Variants in FARS2 observed in about 807,000 individuals in gnomAD.
FARS2 encodes phenylalanyl-tRNA synthetase 2, mitochondrial.
In FARS2, 40 loss-of-function variants were observed where a neutral mutation model predicts 46.4. The ratio of observed to expected loss-of-function variants is 0.86; its 90% CI spans 0.67 to 1.12. FARS2 has a LOEUF of 1.12. FARS2 is among the 50% of genes most tolerant of loss of function. The probability of loss-of-function intolerance (pLI) is 0.00; values close to 1 mark genes in which losing one functional copy is unlikely to be tolerated. For synonymous variants in FARS2, 234 were observed against 214.9 expected (o/e 1.09, Z -0.78); for missense variants, 513 against 567.9 (o/e 0.90, Z 0.98).
At chr6:5,689,802 T>G in intron 6 of FARS2, among the ~76,000 whole-genome samples, 1 of 152,196 alleles carries the variant, frequency 6.6e-6, no homozygotes, top group Non-Finnish European at 1.5e-5. Flanking sequence ...CGTGGGGTGT[T>G]AAAGTCTCCC....
At chr6:5,338,933 A>G (rs984450535) in intron 1 of FARS2, among the ~76,000 whole-genome samples, 2 of 152,220 alleles carry the variant, frequency 1.3e-5, no homozygotes, top group African/African-American at 2.4e-5. Context: ...TCAAGAATAT[A>G]TTAACGACTG....
intron 1 of FARS2, among the ~76,000 whole-genome samples, chr6:5,323,435 G>T (rs1421600690): frequency 6.6e-6 from 1 of 152,022 alleles, no homozygotes; most frequent in African/African-American, 2.4e-5. Flanking sequence ...AGGAAGCCTG[G>T]GTTGTTTTTG....
chr6:5,351,209 T>C (rs1757552119), intron 1 of FARS2, among the ~76,000 whole-genome samples: 1 of 152,244 alleles, frequency 6.6e-6, no homozygotes. Flanking sequence ...CATCTTCAGA[T>C]ACCAGCTACC....
chr6:5,350,169 A>T (rs1367590389), intron 1 of FARS2, among the ~76,000 whole-genome samples: 27 of 131,688 alleles, frequency 2.1e-4, no homozygotes, highest in African/African-American at 7.5e-4. Flanking sequence ...TGCCTGGCAA[A>T]TTTTTTTTTT....
chr6:5,400,311 C>T (rs1761177985), intron 2 of FARS2, among the ~76,000 whole-genome samples: 1 of 151,682 alleles, frequency 6.6e-6, no homozygotes, highest in African/African-American at 2.4e-5. Context: ...GGCCCTTTGT[C>T]AACTTTTAAA....
intron 1 of FARS2, among the ~76,000 whole-genome samples, chr6:5,267,392 TA>T (rs1765621886): frequency 1.3e-5 from 2 of 152,180 alleles, no homozygotes; most frequent in Admixed American, 1.3e-4. Context: ...AGCTACAGCT[TA>T]TTGTAATGAT....
chr6:5,686,523 A>C lies in FARS2; in HGVS notation c.1217+73203A>C, dbSNP rs369750180. On this transcript the variant is annotated intron_variant, in intron 6 of 6. Transcript: ENST00000274680. ...CAGCTTCATCCATGTCCCTACAAAG[A>C]ACATGAACTCGTCCTTTTTTATGGC... 6.4e-4 allele frequency among the ~76,000 whole-genome samples: 98 copies of C among 152,282 alleles called. 1 individual carries two copies. Among genetic ancestry groups the C allele is most frequent in the African/African-American group, 2.3e-3 (96 of 41,558 alleles).
chr6:5,564,386 C>T (rs1018433953), intron 5 of FARS2, among the ~76,000 whole-genome samples: 12 of 152,160 alleles, frequency 7.9e-5, no homozygotes, highest in South Asian at 2.1e-4. Context: ...CCAGAACTAG[C>T]GTATTGATTC....
chr6:5,270,708 A>T (rs887380377), intron 1 of FARS2, among the ~76,000 whole-genome samples: 1 of 152,200 alleles, frequency 6.6e-6, no homozygotes, highest in African/African-American at 2.4e-5. Context: ...TTTTAGGATG[A>T]AGTCTAATTC....
At position 5,539,384 on chromosome 6, in the gene FARS2, G is replaced by GTGTATATATA; in HGVS notation, c.905-5795_905-5794insGTATATATAT. 1.2e-3 allele frequency among the ~76,000 whole-genome samples: 98 copies of GTGTATATATA among 79,588 alleles called. 5 individuals carry two copies. The highest frequency in any genetic ancestry group is 1.7e-3 in the Non-Finnish European group (63 of 36,168). The allele number at this position is 79,588 out of a possible 152,430, so 52.2% of individuals were successfully genotyped here. ...ACCATGCCCACCTAATTTTTTTTGT[G>GTGTATATATA]TATATATATATATATGTATATATTT... On this transcript the variant is annotated intron_variant, in intron 4 of 6. Transcript: ENST00000274680.
chr6:5,548,858 CTT>C (rs1401982136), intron 5 of FARS2, among the ~76,000 whole-genome samples: 1 of 152,102 alleles, frequency 6.6e-6, no homozygotes, highest in Non-Finnish European at 1.5e-5. Context: ...GTGTAACAAA[CTT>C]AAGAACTTCT....
chr6:5,441,628 C>G (rs1763848316), intron 4 of FARS2, among the ~76,000 whole-genome samples: 1 of 152,080 alleles, frequency 6.6e-6, no homozygotes, highest in Non-Finnish European at 1.5e-5. Context: ...GATGAATGTT[C>G]CATAGTTCAT....
intron 1 of FARS2, among the ~76,000 whole-genome samples, chr6:5,366,832 T>C (rs1248939909): frequency 6.6e-6 from 1 of 152,240 alleles, no homozygotes. Context: ...GCTAGGTAGC[T>C]AATAACCTAA....
Position 5,368,903 on chromosome 6 carries a change from G to A in FARS2, c.333G>A (p.Ser111=), listed in dbSNP as rs781723007. The change falls in exon 2 of 7, where the codon TCG becomes TCA. Residue 111 remains serine (S), a synonymous_variant. Coordinates refer to ENST00000274680, the MANE Select transcript of FARS2 (RefSeq NM_006567.5). The part of the protein sequence containing the change: ...YVGRFGTPLF[S]VYDNLSPVVT... Reference sequence around the variant, plus strand: ...GCCGCTTTGGGACCCCGTTGTTCTCGGTCTACGACAACCTTTCTCCAGTGG... The same window carrying A: ...GCCGCTTTGGGACCCCGTTGTTCTCAGTCTACGACAACCTTTCTCCAGTGG... 12 of 1,614,094 alleles carry A rather than the reference G, an allele frequency of 7.4e-6. No individual in the cohort carries two copies. The South Asian group carries it at 9.9e-5, about 13-fold the overall frequency.
At position 5,733,585 on chromosome 6, in the gene FARS2, T is replaced by A. The variant is rs192564419; in HGVS notation, c.1218-37706T>A. 1.6e-3 allele frequency among the ~76,000 whole-genome samples: 244 copies of A among 152,362 alleles called. 2 individuals carry two copies. Among genetic ancestry groups the A allele is most frequent in the African/African-American group, 5.5e-3 (228 of 41,588 alleles). ...CTCCCTCCTCTCCACTGCCTTGCCCTAATTTTAATCATGCTGACTCTCCAG... is the reference window on the plus strand; with the variant it reads ...CTCCCTCCTCTCCACTGCCTTGCCCAAATTTTAATCATGCTGACTCTCCAG... On this transcript the variant is annotated intron_variant, in intron 6 of 6. Transcript: ENST00000274680.
intron 1 of FARS2, among the ~76,000 whole-genome samples, chr6:5,269,311 G>A (rs1204716990): frequency 1.3e-5 from 2 of 151,610 alleles, no homozygotes; most frequent in East Asian, 3.9e-4. Flanking sequence ...ACACAGGATG[G>A]GGAACATCGC....
chr6:5,750,924 T>C (rs1761909410), intron 6 of FARS2, among the ~76,000 whole-genome samples: 1 of 152,156 alleles, frequency 6.6e-6, no homozygotes, highest in African/African-American at 2.4e-5. Context: ...ATTTTGGATA[T>C]TGTTTTGCTA....
At chr6:5,663,754 C>G (rs183505788) in intron 6 of FARS2, among the ~76,000 whole-genome samples, 1 of 152,312 alleles carries the variant, frequency 6.6e-6, no homozygotes, top group African/African-American at 2.4e-5. Context: ...GAAGAGAAAT[C>G]CTGTCCAAAA....
At chr6:5,556,060 T>G (rs1362773464) in intron 5 of FARS2, among the ~76,000 whole-genome samples, 1 of 152,138 alleles carries the variant, frequency 6.6e-6, no homozygotes, top group East Asian at 1.9e-4. Context: ...TCCCACAACT[T>G]CAGATGGTCA....
Sources: gnomAD v4.1 joint callset for allele counts (sites outside exome capture counted in the v4.1 genomes callset) on GRCh38, gnomAD v4.1.1 for gene constraint, MANE v1.5 for transcripts, NCBI Gene and HGNC (gene_info 2026-07-23, HGNC 2026-07-21) for gene names.